The following IL1RAPL1 variants were observed in gnomAD, a reference collection of about 807,000 sequenced individuals.
IL1RAPL1 encodes the protein interleukin 1 receptor accessory protein like 1, also known as interleukin-1 receptor accessory protein-like 1.
IL1RAPL1 carries 3 observed loss-of-function variants against 48.4 expected under a neutral mutation model. The observed-to-expected ratio is 0.06, with a 90% CI of 0.03 to 0.16. The LOEUF is 0.16. Ranked by LOEUF, IL1RAPL1 falls within the 10% of genes least tolerant of loss-of-function variation. The pLI, the probability that IL1RAPL1 is intolerant of heterozygous loss-of-function variation, is 1.00. For synonymous variants in IL1RAPL1, 185 were observed against 187.7 expected, an observed-to-expected ratio of 0.99 and a Z score of 0.12; for missense variants, 349 against 530.6, an observed-to-expected ratio of 0.66 and a Z score of 3.36.
intron 3 of IL1RAPL1, among the ~76,000 whole-genome samples, chrX:29,393,183 G>A (rs939190257): frequency 7.2e-5 from 8 of 110,840 alleles, no homozygotes; most frequent in Non-Finnish European, 7.6e-5. Context: ...TTGCAGTCTC[G>A]CGATCTCGGC....
At chrX:28,811,347 A>G (rs1936791510) in intron 2 of IL1RAPL1, among the ~76,000 whole-genome samples, 1 of 111,219 alleles carries the variant, frequency 9.0e-6, no homozygotes, top group African/African-American at 3.2e-5. Flanking sequence ...TGTAATTAGT[A>G]ATGTGCACCT....
At chrX:28,839,895 G>A (rs1020690462) in intron 2 of IL1RAPL1, among the ~76,000 whole-genome samples, 35 of 110,488 alleles carry the variant, frequency 3.2e-4, no homozygotes, top group Middle Eastern at 9.3e-3. Context: ...AAAAAAATCA[G>A]AAAAGAACAA....
Position 28,762,827 on chromosome X carries a change from G to C in IL1RAPL1, c.-24-26493G>C, listed in dbSNP as rs78106316. 9.2e-3 allele frequency among the ~76,000 whole-genome samples: 302 copies of C among 32,811 alleles called. 4 individuals carry two copies. Among genetic ancestry groups the C allele is most frequent in the African/African-American group, 0.031 (276 of 9,019 alleles). 28.5% of individuals were successfully genotyped at this position (32,811 alleles called of 115,157 possible). A position where few individuals can be genotyped will look rare whatever the true frequency, so the allele number is the denominator to read the frequency against. ...ACACACACACACACACACACACAGA[G>C]AGAGAGAGAGAGAGAGAGAGAGAGA... On this transcript the variant is annotated intron_variant, in intron 1 of 10. Transcript: ENST00000378993.
At chrX:29,587,882 T>C in intron 5 of IL1RAPL1, among the ~76,000 whole-genome samples, 1 of 112,036 alleles carries the variant, frequency 8.9e-6, no homozygotes, top group Non-Finnish European at 1.9e-5. Context: ...AATGCCAAAT[T>C]ATAGCTCCAT....
At chrX:29,353,428 A>T (rs185000178) in intron 3 of IL1RAPL1, among the ~76,000 whole-genome samples, 81 of 111,748 alleles carry the variant, frequency 7.2e-4, no homozygotes, top group African/African-American at 2.6e-3. Context: ...TGAACATTTG[A>T]CTATAGACCA....
chrX:29,633,462 T>C (rs997925105), intron 5 of IL1RAPL1, among the ~76,000 whole-genome samples: 2 of 99,617 alleles, frequency 2.0e-5, no homozygotes, highest in African/African-American at 8.0e-5. Context: ...TTTATCGATA[T>C]ATATATACAC....
At position 28,897,553 on chromosome X, in the gene IL1RAPL1, C is replaced by T. The variant is rs763898682; in HGVS notation, c.82+108128C>T. Among the ~76,000 whole-genome samples the T allele has an allele frequency of 4.5e-5, 5 of 111,903 alleles. No homozygotes were observed. In the South Asian group the frequency reaches 1.9e-3, roughly 42 times the overall value. ...GTTGGAGAAGAGAATAAAAAGAGGCCACTTACCGGACTTAAAATTGGTGAG... is the reference window on the plus strand; with the variant it reads ...GTTGGAGAAGAGAATAAAAAGAGGCTACTTACCGGACTTAAAATTGGTGAG... On this transcript the variant is annotated intron_variant, in intron 2 of 10. Coordinates refer to ENST00000378993, the MANE Select transcript of IL1RAPL1 (RefSeq NM_014271.4).
intron 2 of IL1RAPL1, among the ~76,000 whole-genome samples, chrX:28,938,336 A>G (rs1924071435): frequency 9.0e-6 from 1 of 111,090 alleles, no homozygotes; most frequent in Non-Finnish European, 1.9e-5. Flanking sequence ...CCAATGAAAC[A>G]GAATAGAGAG....
At chrX:28,896,559 A>G (rs1373720409) in intron 2 of IL1RAPL1, among the ~76,000 whole-genome samples, 1 of 111,286 alleles carries the variant, frequency 9.0e-6, no homozygotes, top group African/African-American at 3.3e-5. Context: ...GTGGAGGGCT[A>G]GTCTCGGAAC....
intron 5 of IL1RAPL1, among the ~76,000 whole-genome samples, chrX:29,668,206 A>G (rs1177380878): frequency 8.9e-6 from 1 of 112,366 alleles, no homozygotes; most frequent in Non-Finnish European, 1.9e-5. Flanking sequence ...CATTAGTGTC[A>G]TGTGACTGTC....
At chrX:29,581,571 T>C (rs2147803853) in intron 5 of IL1RAPL1, among the ~76,000 whole-genome samples, 1 of 112,262 alleles carries the variant, frequency 8.9e-6, no homozygotes, top group Admixed American at 9.5e-5. Context: ...GTGTTTTAAT[T>C]CCTAACCTAG....
At chrX:28,819,847 T>A (rs1422139026) in intron 2 of IL1RAPL1, among the ~76,000 whole-genome samples, 1 of 104,840 alleles carries the variant, frequency 9.5e-6, no homozygotes. Context: ...TTTTTTCCAT[T>A]TATACCAAGG....
intron 6 of IL1RAPL1, among the ~76,000 whole-genome samples, chrX:29,714,309 C>G (rs1386490726): frequency 8.9e-6 from 1 of 112,051 alleles, no homozygotes; most frequent in Non-Finnish European, 1.9e-5. Flanking sequence ...TCTTCCTCTT[C>G]TATTCAATAG....
At chrX:29,501,102 G>C (rs1935268161) in intron 5 of IL1RAPL1, among the ~76,000 whole-genome samples, 1 of 111,623 alleles carries the variant, frequency 9.0e-6, no homozygotes, top group Non-Finnish European at 1.9e-5. Flanking sequence ...CTTCTTGTGA[G>C]GAATGTCTAT....
intron 5 of IL1RAPL1, among the ~76,000 whole-genome samples, chrX:29,502,178 A>G (rs1935282700): frequency 1.8e-5 from 2 of 111,133 alleles, no homozygotes; most frequent in African/African-American, 6.5e-5. Context: ...GTTTTTTTGT[A>G]TCCTGCAAAT....
intron 6 of IL1RAPL1, among the ~76,000 whole-genome samples, chrX:29,714,237 T>C (rs1265724696): frequency 1.8e-5 from 2 of 111,839 alleles, no homozygotes; most frequent in Non-Finnish European, 3.8e-5. Flanking sequence ...TTTCTTTTTT[T>C]GTTGTCTAAT....
At chrX:28,935,754 G>A (rs893501398) in intron 2 of IL1RAPL1, among the ~76,000 whole-genome samples, 1 of 111,808 alleles carries the variant, frequency 8.9e-6, no homozygotes. Flanking sequence ...CATATTGACT[G>A]TTGAACGTAT....
At chrX:28,786,307 A>T (rs190304075) in intron 1 of IL1RAPL1, among the ~76,000 whole-genome samples, 79 of 111,098 alleles carry the variant, frequency 7.1e-4, no homozygotes, top group Admixed American at 3.4e-3. Flanking sequence ...TCTACTAAAA[A>T]TACAAAAATT....
chrX:29,731,057 G>A (rs766189959), intron 6 of IL1RAPL1, among the ~76,000 whole-genome samples: 9 of 112,032 alleles, frequency 8.0e-5, no homozygotes, highest in South Asian at 7.4e-4. Flanking sequence ...ATTTTGGTAC[G>A]TTGGTCAAGA....
Sources: allele counts gnomAD v4.1 joint callset (sites outside exome capture counted in the v4.1 genomes callset), GRCh38; gene constraint gnomAD v4.1.1; transcripts MANE v1.5; gene names NCBI Gene and HGNC (gene_info 2026-07-23, HGNC 2026-07-21).